DAPP1: variants seen among roughly 807,000 people sequenced by gnomAD.
DAPP1 encodes dual adaptor of phosphotyrosine and 3-phosphoinositides 1, also known as dual adapter for phosphotyrosine and 3-phosphotyrosine and 3-phosphoinositide.
A neutral mutation model predicts 41.5 loss-of-function variants in DAPP1; 20 were observed. That is an observed-to-expected ratio of 0.48 (90% CI 0.34 to 0.70). DAPP1 has a LOEUF of 0.70. Ranked by LOEUF, DAPP1 falls within the 30% of genes least tolerant of loss-of-function variation. DAPP1 has a pLI of 0.01. For missense variants in DAPP1, 233 were observed against 333.4 expected (o/e 0.70, Z 2.35); for synonymous variants, 113 against 116.2 (o/e 0.97, Z 0.18).
chr4:99,826,547 C>A (rs1560688038), intron 1 of DAPP1, among the ~76,000 whole-genome samples: 6 of 152,292 alleles, frequency 3.9e-5, no homozygotes, highest in Admixed American at 3.9e-4. Flanking sequence ...GTTACTAAGA[C>A]ATTTTGTCAT....
chr4:99,852,334 T>C (rs528694776), intron 3 of DAPP1, among the ~76,000 whole-genome samples: 2 of 152,226 alleles, frequency 1.3e-5, no homozygotes, highest in East Asian at 1.9e-4. Flanking sequence ...CAAGAAACCA[T>C]AGCAAGAAGA....
intron 2 of DAPP1, among the ~76,000 whole-genome samples, chr4:99,836,581 C>A (rs1423412631): frequency 1.3e-5 from 2 of 152,132 alleles, no homozygotes; most frequent in African/African-American, 2.4e-5. Flanking sequence ...CTCCATATAC[C>A]CTGGAGAGTC....
At chr4:99,841,002 A>G (rs1316637609) in intron 3 of DAPP1, among the ~76,000 whole-genome samples, 4 of 152,240 alleles carry the variant, frequency 2.6e-5, no homozygotes, top group African/African-American at 9.6e-5. Flanking sequence ...AAAACAGTCT[A>G]TCTTGGCACT....
At chr4:99,870,368 T>C (rs1446790208), downstream of DAPP1, among the ~76,000 whole-genome samples, 1 of 151,848 alleles carries the variant, frequency 6.6e-6, no homozygotes, top group Non-Finnish European at 1.5e-5. Flanking sequence ...TATATACATA[T>C]GACAATATAT....
At chr4:99,839,507 G>A (rs902326483) in intron 2 of DAPP1, among the ~76,000 whole-genome samples, 56 of 151,756 alleles carry the variant, frequency 3.7e-4, no homozygotes, top group African/African-American at 1.4e-3. Flanking sequence ...TATTCAGTAG[G>A]CAGTGGAACA....
intron 3 of DAPP1, among the ~76,000 whole-genome samples, chr4:99,850,651 A>T (rs1020028799): frequency 3.9e-5 from 6 of 152,138 alleles, no homozygotes; most frequent in Admixed American, 2.6e-4. Flanking sequence ...GTAAGGTGAA[A>T]GTGTTTGAGA....
intron 4 of DAPP1, 96 bp downstream of exon 4, chr4:99,853,444 T>C: frequency 2.0e-6 from 3 of 1,464,810 alleles, no homozygotes; most frequent in Non-Finnish European, 2.7e-6. Context: ...CACATAAAAA[T>C]TCTAGCTTGG....
At chr4:99,851,988 C>G (rs1341907385) in intron 3 of DAPP1, among the ~76,000 whole-genome samples, 2 of 152,096 alleles carry the variant, frequency 1.3e-5, no homozygotes, top group African/African-American at 4.8e-5. Flanking sequence ...TCAAAGACGC[C>G]CTTCCTGATG....
intron 1 of DAPP1, among the ~76,000 whole-genome samples, chr4:99,825,579 G>T (rs1264596606): frequency 6.6e-6 from 1 of 152,172 alleles, no homozygotes; most frequent in Non-Finnish European, 1.5e-5. Context: ...TCTGCTCTTA[G>T]CTCATGTAAA....
At chr4:99,863,608 A>G (rs1047701917) in intron 6 of DAPP1, among the ~76,000 whole-genome samples, 162 bp from the exon 7 acceptor site, 6 of 152,060 alleles carry the variant, frequency 3.9e-5, no homozygotes, top group Non-Finnish European at 2.9e-5. Context: ...AAAACCAAGG[A>G]CTTCCCTTGG....
At chr4:99,822,961 C>T (rs1011441059) in intron 1 of DAPP1, among the ~76,000 whole-genome samples, 1 of 152,108 alleles carries the variant, frequency 6.6e-6, no homozygotes, top group African/African-American at 2.4e-5. Flanking sequence ...CCTGACCCTG[C>T]CCACTAGCAC....
chr4:99,872,009 G>A (rs1328603981), downstream of DAPP1, among the ~76,000 whole-genome samples: 1 of 152,198 alleles, frequency 6.6e-6, no homozygotes, highest in Admixed American at 6.5e-5. Context: ...GGCCAGGGTT[G>A]TGGGGCATAA....
intron 4 of DAPP1, among the ~76,000 whole-genome samples, chr4:99,858,845 G>A (rs946025098): frequency 4.6e-5 from 7 of 151,656 alleles, no homozygotes; most frequent in South Asian, 2.1e-4. Flanking sequence ...TTGGCCAGTC[G>A]GGGAAAGAGC....
intron 3 of DAPP1, 65 bp downstream of exon 3, chr4:99,840,487 A>G: frequency 6.6e-7 from 1 of 1,517,004 alleles, no homozygotes; most frequent in Non-Finnish European, 8.9e-7. Context: ...GACAAGGCAG[A>G]TTTCAATTTA....
chr4:99,832,337 C>T (rs1388636796), intron 1 of DAPP1, among the ~76,000 whole-genome samples: 2 of 152,180 alleles, frequency 1.3e-5, no homozygotes, highest in African/African-American at 4.8e-5. Context: ...ACAAAGAATA[C>T]AAATGTCATT....
chr4:99,849,651 T>C (rs1013535401), intron 3 of DAPP1, among the ~76,000 whole-genome samples: 12 of 152,160 alleles, frequency 7.9e-5, no homozygotes, highest in African/African-American at 2.9e-4. Flanking sequence ...AGGAGGATAA[T>C]GCCCCCACAG....
At chr4:99,851,652 T>C (rs571390672) in intron 3 of DAPP1, among the ~76,000 whole-genome samples, 1 of 147,264 alleles carries the variant, frequency 6.8e-6, no homozygotes, top group East Asian at 2.1e-4. Context: ...GCAATTTCCC[T>C]GCCTCAGCCT....
At chr4:99,837,678 T>C (rs1400517822) in intron 2 of DAPP1, among the ~76,000 whole-genome samples, 1 of 152,126 alleles carries the variant, frequency 6.6e-6, no homozygotes, top group Non-Finnish European at 1.5e-5. Flanking sequence ...CCAGGGACAA[T>C]TTTGCCACAG....
intron 7 of DAPP1, chr4:99,865,047 GT>G (rs1560710488): frequency 6.6e-6 from 1 of 152,204 alleles, no homozygotes; most frequent in African/African-American, 2.4e-5. Context: ...ACAGAAACCA[GT>G]TTTCGAGTAT....
Sources: allele counts gnomAD v4.1 joint callset (sites outside exome capture counted in the v4.1 genomes callset), GRCh38; gene constraint gnomAD v4.1.1; transcripts MANE v1.5; gene names NCBI Gene and HGNC (gene_info 2026-07-23, HGNC 2026-07-21).